Variants in GRIA4 observed in about 807,000 individuals in gnomAD.
GRIA4 encodes glutamate receptor 4.
GRIA4 carries 34 observed loss-of-function variants against 104.0 expected under a neutral mutation model. The ratio of observed to expected loss-of-function variants is 0.33; its 90% CI spans 0.25 to 0.44. The LOEUF (loss-of-function observed/expected upper bound fraction) is 0.44. GRIA4 is among the 20% of genes least tolerant of loss of function. The pLI is 1.00. For missense variants in GRIA4, 750 were observed against 1,096.5 expected, an observed-to-expected ratio of 0.68 and a Z score of 4.46; for synonymous variants, 386 against 381.9, an observed-to-expected ratio of 1.01 and a Z score of -0.13.
intron 3 of GRIA4, among the ~76,000 whole-genome samples, chr11:105,732,998 C>T (rs1431545083): frequency 6.6e-6 from 1 of 152,078 alleles, no homozygotes; most frequent in Non-Finnish European, 1.5e-5. Context: ...TTGTGTATAC[C>T]ACACTTAAAC....
chr11:105,831,159 T>C (rs1943960664), intron 4 of GRIA4, among the ~76,000 whole-genome samples: 1 of 152,030 alleles, frequency 6.6e-6, no homozygotes, highest in Non-Finnish European at 1.5e-5. Context: ...TCCAAGATGG[T>C]TCATTCATAT....
intron 4 of GRIA4, among the ~76,000 whole-genome samples, chr11:105,829,828 A>ATT (rs923939982): frequency 7.9e-5 from 12 of 151,896 alleles, no homozygotes; most frequent in Admixed American, 7.9e-4. Context: ...AGACTCAAGG[A>ATT]AAGACAGGCA....
At chr11:105,936,313 G>A (rs535844904) in intron 14 of GRIA4, among the ~76,000 whole-genome samples, 1 of 152,304 alleles carries the variant, frequency 6.6e-6, no homozygotes, top group Non-Finnish European at 1.5e-5. Context: ...GAGCAAGGTC[G>A]AGAGAACATA....
chr11:105,978,186 TCAA>T (rs1323444449), intron 16 of GRIA4, among the ~76,000 whole-genome samples: 1 of 152,050 alleles, frequency 6.6e-6, no homozygotes, highest in Non-Finnish European at 1.5e-5. Flanking sequence ...ATTCATCCAC[TCAA>T]CAAATATTTA....
At chr11:105,815,583 G>A (rs17104589) in intron 4 of GRIA4, among the ~76,000 whole-genome samples, 7,125 of 152,004 alleles carry the variant, frequency 0.047, 291 homozygotes, top group Admixed American at 0.14. Flanking sequence ...TGCTGTTGAT[G>A]CCGCTCCAGC....
chr11:105,963,594 G>T (rs1948793369), intron 14 of GRIA4, among the ~76,000 whole-genome samples: 1 of 152,106 alleles, frequency 6.6e-6, no homozygotes, highest in African/African-American at 2.4e-5. Flanking sequence ...TAGATTAATT[G>T]TGAACTGGGT....
At chr11:105,679,383 T>C (rs934705585) in intron 3 of GRIA4, among the ~76,000 whole-genome samples, 1 of 152,270 alleles carries the variant, frequency 6.6e-6, no homozygotes, top group South Asian at 2.1e-4. Flanking sequence ...AGTTGACACA[T>C]AAAATTCACT....
intron 4 of GRIA4, among the ~76,000 whole-genome samples, chr11:105,820,013 AC>A (rs1310826218): frequency 6.6e-6 from 1 of 151,990 alleles, no homozygotes; most frequent in East Asian, 1.9e-4. Context: ...AAGTTATACT[AC>A]TCCAAGCCAA....
At chr11:105,829,601 G>A (rs770233748) in intron 4 of GRIA4, among the ~76,000 whole-genome samples, 2 of 151,844 alleles carry the variant, frequency 1.3e-5, no homozygotes, top group African/African-American at 2.4e-5. Flanking sequence ...CCTAGTGCCC[G>A]AGGGACCACT....
chr11:105,869,241 T>C (rs1229748974), intron 5 of GRIA4, among the ~76,000 whole-genome samples: 1 of 152,142 alleles, frequency 6.6e-6, no homozygotes, highest in Non-Finnish European at 1.5e-5. Flanking sequence ...TGCTTTTGTC[T>C]GGGAAGAATC....
At chr11:105,630,446 C>T (rs778070457) in intron 3 of GRIA4, among the ~76,000 whole-genome samples, 6 of 152,086 alleles carry the variant, frequency 3.9e-5, no homozygotes, top group Non-Finnish European at 8.8e-5. Context: ...TGCCTGTAAT[C>T]CCAGCTACTC....
At chr11:105,849,384 G>A (rs1181608205) in intron 4 of GRIA4, among the ~76,000 whole-genome samples, 1 of 152,190 alleles carries the variant, frequency 6.6e-6, no homozygotes, top group Non-Finnish European at 1.5e-5. Context: ...TGGATGGACA[G>A]TATCCAGCTC....
intron 5 of GRIA4, among the ~76,000 whole-genome samples, chr11:105,866,427 T>C (rs182937703): frequency 1.9e-3 from 290 of 151,320 alleles, no homozygotes; most frequent in African/African-American, 6.6e-3. Flanking sequence ...GTCCCCACTG[T>C]GTTGTGTGTG....
chr11:105,798,995 G>C (rs1235624651), intron 4 of GRIA4, among the ~76,000 whole-genome samples: 1 of 152,118 alleles, frequency 6.6e-6, no homozygotes, highest in Non-Finnish European at 1.5e-5. Flanking sequence ...TCCCCAGAGA[G>C]TGTTAGTTCA....
intron 7 of GRIA4, among the ~76,000 whole-genome samples, chr11:105,901,279 T>C (rs1213542768): frequency 1.3e-5 from 2 of 152,194 alleles, no homozygotes. Flanking sequence ...AAAATGTGCT[T>C]CACATTCCCA....
intron 13 of GRIA4, among the ~76,000 whole-genome samples, chr11:105,930,689 T>C (rs1947847106): frequency 6.6e-6 from 1 of 152,188 alleles, no homozygotes; most frequent in Non-Finnish European, 1.5e-5. Context: ...TTTTTCCATT[T>C]TGCTGTGTTA....
chr11:105,770,321 C>T (rs968402031), intron 4 of GRIA4, among the ~76,000 whole-genome samples: 6 of 151,966 alleles, frequency 3.9e-5, no homozygotes, highest in African/African-American at 1.2e-4. Flanking sequence ...TTAAAAGTCT[C>T]GTGTTTAATA....
chr11:105,902,787 T>C (rs775971836), intron 7 of GRIA4, among the ~76,000 whole-genome samples: 29 of 152,270 alleles, frequency 1.9e-4, no homozygotes, highest in South Asian at 6.2e-4. Context: ...CATATGGAAT[T>C]TCTAAAGGAG....
intron 3 of GRIA4, among the ~76,000 whole-genome samples, chr11:105,634,298 G>A (rs1349087503): frequency 7.4e-5 from 11 of 149,064 alleles, no homozygotes; most frequent in African/African-American, 2.7e-4. Context: ...AGTGAGCCAG[G>A]ACTGTGCTAT....
Sources: gnomAD v4.1 joint callset for allele counts (sites outside exome capture counted in the v4.1 genomes callset) on GRCh38, gnomAD v4.1.1 for gene constraint, MANE v1.5 for transcripts, NCBI Gene and HGNC (gene_info 2026-07-23, HGNC 2026-07-21) for gene names.